Variants in AEBP2 observed in about 807,000 individuals in gnomAD.
AEBP2 encodes zinc finger protein AEBP2.
Under a neutral mutation model 50.8 loss-of-function variants are expected in AEBP2, and 10 were observed. That is an observed-to-expected ratio of 0.20 (90% CI 0.12 to 0.33). AEBP2 has a LOEUF of 0.33. Ranked by LOEUF, AEBP2 falls within the 10% of genes least tolerant of loss-of-function variation. The pLI, the probability that AEBP2 is intolerant of heterozygous loss-of-function variation, is 1.00. For synonymous variants in AEBP2, 296 were observed against 261.3 expected (o/e 1.13, Z -1.28); for missense variants, 570 against 688.0 (o/e 0.83, Z 1.92).
intron 1 of AEBP2, among the ~76,000 whole-genome samples, chr12:19,428,188 A>G (rs896491011): frequency 6.6e-6 from 1 of 152,176 alleles, no homozygotes; most frequent in Non-Finnish European, 1.5e-5. Context: ...ATGAGCCGAG[A>G]TTGCACCACT....
chr12:19,413,583 A>G, intron 1 of AEBP2: 1 of 618,458 alleles, frequency 1.6e-6, no homozygotes, highest in South Asian at 1.9e-5. Context: ...GTTATGCAAA[A>G]TAAAAAAAAA....
At chr12:19,431,364 A>C (rs1322416286) in intron 1 of AEBP2, among the ~76,000 whole-genome samples, 2 of 152,262 alleles carry the variant, frequency 1.3e-5, no homozygotes, top group African/African-American at 4.8e-5. Context: ...TGTTACAATA[A>C]ACAATCTGTC....
At chr12:19,485,537 T>C (rs1948794220) in intron 3 of AEBP2, among the ~76,000 whole-genome samples, 1 of 151,654 alleles carries the variant, frequency 6.6e-6, no homozygotes, top group African/African-American at 2.4e-5. Context: ...CGAAACCCTG[T>C]CTGTACAAAA....
At chr12:19,506,429 G>T (rs1949156873) in intron 5 of AEBP2, among the ~76,000 whole-genome samples, 2 of 152,112 alleles carry the variant, frequency 1.3e-5, no homozygotes, top group South Asian at 4.1e-4. Flanking sequence ...AAAGAAACTT[G>T]CTGTCAATAA....
chr12:19,440,510 A>G, intron 1 of AEBP2, 140 bp downstream of exon 1: 2 of 1,394,088 alleles, frequency 1.4e-6, no homozygotes, highest in Non-Finnish European at 1.9e-6. Context: ...CAACTCGGAA[A>G]TCTCTCGCCG....
chr12:19,509,579 C>G (rs761366655), intron 5 of AEBP2, among the ~76,000 whole-genome samples: 9 of 151,938 alleles, frequency 5.9e-5, no homozygotes, highest in Non-Finnish European at 1.2e-4. Flanking sequence ...AACCCCGTCT[C>G]TAGAAAAAAT....
Position 19,439,832 on chromosome 12 carries a change from G to A in AEBP2, c.133G>A (p.Glu45Lys). The change falls in exon 1 of 8, where the codon GAG becomes AAG. Residue 45 changes from glutamate to lysine, a missense_variant. By Grantham distance (56) the Glu-to-Lys change is moderately conservative. This residue lies in a region of AEBP2 where 386 missense variants were observed against 336.8 expected (regional missense o/e 1.15). Transcript: ENST00000266508. ...CGAGGAGGAGGAGGAAGAGGAGGAG[G>A]AGGAAGAGGAGGCGGAGGCCGAGGC... ...PPEEEEEEEEEEEEAEAEAVA... is the reference protein window; with the variant it reads ...PPEEEEEEEEKEEEAEAEAVA... 6.6e-7 allele frequency: 1 copy of A among 1,504,088 alleles called. No individual in the cohort carries two copies. The highest frequency in any genetic ancestry group is 8.8e-7 in the Non-Finnish European group (1 of 1,134,334). 93.2% of individuals were successfully genotyped at this position (1,504,088 alleles called of 1,614,324 possible). A position where few individuals can be genotyped will look rare whatever the true frequency, so the allele number is the denominator to read the frequency against.
At chr12:19,442,834 G>T (rs1055360154) in intron 1 of AEBP2, among the ~76,000 whole-genome samples, 2 of 152,082 alleles carry the variant, frequency 1.3e-5, no homozygotes, top group African/African-American at 4.8e-5. Context: ...TTTGAGTTTG[G>T]AAAGGATCCC....
intron 1 of AEBP2, chr12:19,418,973 C>A: frequency 6.5e-6 from 1 of 153,698 alleles, no homozygotes. Context: ...CAAAGATGTG[C>A]TTAGTGTAGG....
At chr12:19,466,420 C>T (rs541135015) in intron 2 of AEBP2, among the ~76,000 whole-genome samples, 22 of 152,250 alleles carry the variant, frequency 1.4e-4, no homozygotes, top group Non-Finnish European at 2.6e-4. Context: ...CACCGCACTC[C>T]AGCCTGGATG....
intron 5 of AEBP2, among the ~76,000 whole-genome samples, chr12:19,510,883 G>A (rs373962715): frequency 1.1e-4 from 1 of 8,884 alleles, no homozygotes; most frequent in Non-Finnish European, 2.3e-4. Context: ...TTTTTTTTTT[G>A]AGGTGGGGCC....
At chr12:19,473,214 A>G (rs1948596715) in intron 2 of AEBP2, 34 bp from the exon 3 acceptor site, 3 of 1,104,590 alleles carry the variant, frequency 2.7e-6, no homozygotes, top group South Asian at 2.1e-5. Context: ...GAGATAAGTC[A>G]TGAAAATTAA....
At chr12:19,483,356 T>G (rs1015173448) in intron 3 of AEBP2, among the ~76,000 whole-genome samples, 3 of 152,150 alleles carry the variant, frequency 2.0e-5, no homozygotes, top group Non-Finnish European at 4.4e-5. Context: ...ATGATCTGGA[T>G]TTTCAGATTC....
chr12:19,440,419 G>C (rs763494698), intron 1 of AEBP2, 49 bp downstream of exon 1: 1 of 1,449,612 alleles, frequency 6.9e-7, no homozygotes, highest in Non-Finnish European at 9.0e-7. Flanking sequence ...TTGAACTCCC[G>C]GGCCCCTCAG....
intron 1 of AEBP2, among the ~76,000 whole-genome samples, chr12:19,421,218 C>T (rs1178726970): frequency 6.6e-6 from 1 of 151,648 alleles, no homozygotes; most frequent in East Asian, 1.9e-4. Flanking sequence ...GTGCTGGACA[C>T]CTGTAATCCC....
intron 3 of AEBP2, among the ~76,000 whole-genome samples, chr12:19,482,639 G>A (rs1948747024): frequency 6.6e-6 from 1 of 152,164 alleles, no homozygotes; most frequent in Non-Finnish European, 1.5e-5. Flanking sequence ...TTTGGCTTCT[G>A]GCGAGATGGG....
chr12:19,512,032 GT>G (rs917418000), intron 5 of AEBP2, among the ~76,000 whole-genome samples: 5 of 147,632 alleles, frequency 3.4e-5, no homozygotes, highest in South Asian at 2.2e-4. Context: ...AGGGGTGAAA[GT>G]TTTTTTTTTT....
intron 2 of AEBP2, among the ~76,000 whole-genome samples, chr12:19,464,891 A>G: frequency 6.6e-6 from 1 of 152,054 alleles, no homozygotes; most frequent in East Asian, 1.9e-4. Flanking sequence ...CACCCGGCCA[A>G]GACTGGTTTT....
intron 3 of AEBP2, among the ~76,000 whole-genome samples, 195 bp from the exon 4 acceptor site, chr12:19,493,605 G>A (rs375320828): frequency 6.6e-6 from 1 of 152,118 alleles, no homozygotes; most frequent in African/African-American, 2.4e-5. Flanking sequence ...TTCAAGCTTT[G>A]TCTAATGTAT....
Sources: gnomAD v4.1 joint callset for allele counts (sites outside exome capture counted in the v4.1 genomes callset) on GRCh38, gnomAD v4.1.1 for gene constraint, gnomAD v4.1.1 regional missense constraint, MANE v1.5 for transcripts, NCBI Gene and HGNC (gene_info 2026-07-23, HGNC 2026-07-21) for gene names.